The following HNRNPF variants were observed in gnomAD, a reference collection of about 807,000 sequenced individuals.
The protein encoded by HNRNPF is HnRNP F protein.
In HNRNPF, 2 loss-of-function variants were observed where a neutral mutation model predicts 26.0. That is an observed-to-expected ratio of 0.08 (90% CI 0.03 to 0.24). The LOEUF (loss-of-function observed/expected upper bound fraction) is 0.24. HNRNPF is among the 10% of genes least tolerant of loss of function. The pLI, the probability that HNRNPF is intolerant of heterozygous loss-of-function variation, is 1.00. For missense variants in HNRNPF, 299 were observed against 539.2 expected, an observed-to-expected ratio of 0.55 and a Z score of 4.41; for synonymous variants, 234 against 211.5, an observed-to-expected ratio of 1.11 and a Z score of -0.92.
chr10:43,402,195 G>A (rs540879303), intron 1 of HNRNPF, among the ~76,000 whole-genome samples: 2 of 152,166 alleles, frequency 1.3e-5, no homozygotes, highest in Admixed American at 6.5e-5. Context: ...TCAAAGAAAG[G>A]AAAACGAAGT....
chr10:43,393,423 C>T (rs11238533), intron 3 of HNRNPF, among the ~76,000 whole-genome samples: 28,707 of 151,966 alleles, frequency 0.19, 2,957 homozygotes, highest in African/African-American at 0.22. Flanking sequence ...TGGAGAAACT[C>T]CGTTTCTACT....
At chr10:43,390,261 T>G (rs1222954497) in intron 3 of HNRNPF, among the ~76,000 whole-genome samples, 1 of 152,194 alleles carries the variant, frequency 6.6e-6, no homozygotes, top group Non-Finnish European at 1.5e-5. Flanking sequence ...GGGCTTCTTA[T>G]GCAATTCCAT....
intron 2 of HNRNPF, among the ~76,000 whole-genome samples, 195 bp from the exon 3 acceptor site, chr10:43,394,883 C>A (rs938520853): frequency 6.6e-6 from 1 of 152,114 alleles, no homozygotes; most frequent in Non-Finnish European, 1.5e-5. Context: ...ATACAGAGCA[C>A]AACAAAAGGG....
chr10:43,402,991 G>A (rs189140897), intron 1 of HNRNPF, among the ~76,000 whole-genome samples: 15 of 151,852 alleles, frequency 9.9e-5, no homozygotes, highest in East Asian at 3.9e-4. Flanking sequence ...ACAAGTGTTC[G>A]CTATCATACC....
At chr10:43,408,662 G>T (rs950271309) in intron 1 of HNRNPF, 6 of 150,454 alleles carry the variant, frequency 4.0e-5, no homozygotes, top group Non-Finnish European at 8.9e-5. Flanking sequence ...CCCCCAGGGG[G>T]ACCCGGTCCC....
intron 3 of HNRNPF, among the ~76,000 whole-genome samples, chr10:43,394,364 C>T (rs1248863919): frequency 2.0e-5 from 3 of 152,180 alleles, no homozygotes; most frequent in Non-Finnish European, 4.4e-5. Flanking sequence ...GAAGGCAAGG[C>T]GAAGAGACCA....
At chr10:43,407,451 AGG>A (rs1371474884) in intron 1 of HNRNPF, among the ~76,000 whole-genome samples, 1 of 151,754 alleles carries the variant, frequency 6.6e-6, no homozygotes, top group Non-Finnish European at 1.5e-5. Context: ...CCAGGCGCCT[AGG>A]GGGAGGGGTT....
chr10:43,397,446 C>G (rs990717894), intron 1 of HNRNPF: 1 of 152,306 alleles, frequency 6.6e-6, no homozygotes, highest in African/African-American at 2.4e-5. Context: ...CGAGTTCTCC[C>G]GAAGGGAGCC....
In HNRNPF at chr10:43,396,443, G is replaced by C. The variant is rs889009681; in HGVS notation, c.-112+13C>G. The C allele has an allele frequency of 6.6e-6, 1 of 152,254 alleles. No individual in the cohort carries two copies. The highest frequency in any genetic ancestry group is 1.5e-5 in the Non-Finnish European group (1 of 68,096). 9.4% of individuals were successfully genotyped at this position (152,254 alleles called of 1,614,324 possible). A position where few individuals can be genotyped will look rare whatever the true frequency, so the allele number is the denominator to read the frequency against. On this transcript the variant is annotated intron_variant, in intron 2 of 3. Coordinates refer to ENST00000682386, the MANE Select transcript of HNRNPF (RefSeq NM_001098204.2). ...CCCGGCCGGGCCCGCGGACTTTCAT[G>C]CTCTAGACTTACCACGGAGGCGAGC...
chr10:43,405,861 C>T (rs1343191470), intron 1 of HNRNPF, among the ~76,000 whole-genome samples: 2 of 152,014 alleles, frequency 1.3e-5, no homozygotes, highest in Admixed American at 1.3e-4. Context: ...CTCAGTTCTC[C>T]CTCTGCCCAC....
intron 1 of HNRNPF, chr10:43,407,695 A>T (rs1478434025): frequency 6.6e-6 from 1 of 152,118 alleles, no homozygotes; most frequent in Non-Finnish European, 1.5e-5. Flanking sequence ...TCAGATTTTC[A>T]CCCCAAATAC....
At chr10:43,388,055 T>G (rs1838100998) in intron 3 of HNRNPF, 119 bp from the exon 4 acceptor site, 1 of 588,628 alleles carries the variant, frequency 1.7e-6, no homozygotes, top group African/African-American at 1.9e-5. Context: ...AGCTAAGAGT[T>G]AACTCCAGGT....
At chr10:43,396,730 C>G (rs370514624) in intron 1 of HNRNPF, 140 bp from the exon 2 acceptor site, 1 of 152,224 alleles carries the variant, frequency 6.6e-6, no homozygotes, top group East Asian at 1.9e-4. Context: ...CTGCTCACGG[C>G]ACTCCAGCAG....
chr10:43,390,508 C>T (rs1838199640), intron 3 of HNRNPF, among the ~76,000 whole-genome samples: 1 of 152,188 alleles, frequency 6.6e-6, no homozygotes, highest in Non-Finnish European at 1.5e-5. Flanking sequence ...CTAATCACAT[C>T]CTACTCCCTC....
intron 1 of HNRNPF, among the ~76,000 whole-genome samples, chr10:43,400,175 C>A (rs1057102180): frequency 6.6e-6 from 1 of 152,016 alleles, no homozygotes; most frequent in African/African-American, 2.4e-5. Flanking sequence ...TAGTGAGACT[C>A]CCATCTCTAT....
chr10:43,394,897 C>T (rs1156289978), intron 2 of HNRNPF, among the ~76,000 whole-genome samples: 2 of 151,792 alleles, frequency 1.3e-5, no homozygotes, highest in African/African-American at 2.4e-5. Context: ...AAAAGGGAAA[C>T]GCCTTATTGA....
chr10:43,404,301 T>TA (rs5784599), intron 1 of HNRNPF, among the ~76,000 whole-genome samples: 71,002 of 135,058 alleles, frequency 0.53, 19,081 homozygotes, highest in East Asian at 0.79. Flanking sequence ...AATCCGTCTA[T>TA]AAAAAAAAAA....
Position 43,406,790 on chromosome 10 carries a change from G to GTGA in HNRNPF, c.-247+2338_-247+2340dup, listed in dbSNP as rs765899518. Among the ~76,000 whole-genome samples, 74 of 152,252 alleles carry GTGA rather than the reference G, an allele frequency of 4.9e-4. 1 individual carries two copies. Among genetic ancestry groups the GTGA allele is most frequent in the Non-Finnish European group, 9.0e-4 (61 of 68,010 alleles). ...CTCCCTAAATGCTGGGATTACAGGC[G>GTGA]TGAGCCACCTCGCCCGGCCGATAAT... On this transcript the variant is annotated intron_variant, in intron 1 of 3. Transcript: ENST00000682386.
rs995743104 is a variant in HNRNPF, at chr10:43,385,721, G to T, written c.*916C>A. 2.0e-5 allele frequency: 3 copies of T among 152,226 alleles called. No homozygotes were observed. Among genetic ancestry groups the T allele is most frequent in the Non-Finnish European group, 4.4e-5 (3 of 68,038 alleles). The allele number at this position is 152,226 out of a possible 1,614,324, so 9.4% of individuals were successfully genotyped here. On this transcript the variant is annotated 3_prime_UTR_variant, in exon 4 of 4. Transcript: ENST00000682386. ...CCAGCTATCAACAGATGTGACTCCAGCATCAAGGGCCTAGCAGGAAAATTC... is the reference window on the plus strand; with the variant it reads ...CCAGCTATCAACAGATGTGACTCCATCATCAAGGGCCTAGCAGGAAAATTC...
Sources: allele counts gnomAD v4.1 joint callset (sites outside exome capture counted in the v4.1 genomes callset), GRCh38; gene constraint gnomAD v4.1.1; transcripts MANE v1.5; gene names NCBI Gene and HGNC (gene_info 2026-07-23, HGNC 2026-07-21).